The following RAPGEF1 variants were observed in gnomAD, a reference collection of about 807,000 sequenced individuals.
RAPGEF1 encodes Rap guanine nucleotide exchange factor 1.
In RAPGEF1, 33 loss-of-function variants were observed where a neutral mutation model predicts 143.3. The ratio of observed to expected loss-of-function variants is 0.23; its 90% CI spans 0.17 to 0.31. The LOEUF is 0.31. RAPGEF1 is among the 10% of genes least tolerant of loss of function. The probability of loss-of-function intolerance (pLI) is 1.00; values close to 1 mark genes in which losing one functional copy is unlikely to be tolerated. For synonymous variants in RAPGEF1, 629 were observed against 676.5 expected, an observed-to-expected ratio of 0.93 and a Z score of 1.09; for missense variants, 1,199 against 1,645.4, an observed-to-expected ratio of 0.73 and a Z score of 4.69.
chr9:131,685,139 T>C (rs1833233646), intron 1 of RAPGEF1, among the ~76,000 whole-genome samples: 1 of 152,194 alleles, frequency 6.6e-6, no homozygotes, highest in African/African-American at 2.4e-5. Flanking sequence ...TTAAAATGGA[T>C]AAAAACACTT....
At chr9:131,594,841 C>T (rs994366552) in intron 17 of RAPGEF1, among the ~76,000 whole-genome samples, 3 of 152,180 alleles carry the variant, frequency 2.0e-5, no homozygotes, top group African/African-American at 4.8e-5. Context: ...TGGCTGTACC[C>T]GACAGGACAG....
intron 12 of RAPGEF1, among the ~76,000 whole-genome samples, chr9:131,614,253 G>C (rs139737566): frequency 1.0e-3 from 154 of 152,284 alleles, no homozygotes; most frequent in African/African-American, 3.4e-3. Flanking sequence ...CTCTGACCAG[G>C]ACAAAAAGCC....
chr9:131,605,294 C>T, intron 12 of RAPGEF1, 106 bp from the exon 13 acceptor site: 4 of 1,050,530 alleles, frequency 3.8e-6, no homozygotes, highest in Non-Finnish European at 5.0e-6. Flanking sequence ...TTCACAATAA[C>T]TTAGTCTAAC....
chr9:131,585,476 C>T (rs1244551850), intron 22 of RAPGEF1, among the ~76,000 whole-genome samples: 1 of 152,238 alleles, frequency 6.6e-6, no homozygotes, highest in African/African-American at 2.4e-5. Flanking sequence ...CCACTGCACT[C>T]GCACCTCTGT....
intron 1 of RAPGEF1, among the ~76,000 whole-genome samples, chr9:131,720,956 T>C (rs1836219876): frequency 1.3e-5 from 2 of 152,212 alleles, no homozygotes; most frequent in Admixed American, 6.5e-5. Context: ...CTTAAGATAA[T>C]GTGATCTGGT....
intron 1 of RAPGEF1, chr9:131,725,464 C>T (rs1836588824): frequency 6.6e-6 from 1 of 152,264 alleles, no homozygotes; most frequent in Admixed American, 6.5e-5. Context: ...CCACCATGCT[C>T]AGCTAATTTT....
chr9:131,677,117 T>C (rs1260965449), intron 1 of RAPGEF1, among the ~76,000 whole-genome samples: 1 of 152,272 alleles, frequency 6.6e-6, no homozygotes, highest in African/African-American at 2.4e-5. Context: ...GTTTCTACTA[T>C]GTGCTAGGAA....
chr9:131,689,041 G>A (rs979254603), intron 1 of RAPGEF1, among the ~76,000 whole-genome samples: 5 of 152,088 alleles, frequency 3.3e-5, no homozygotes, highest in East Asian at 3.8e-4. Flanking sequence ...TTTTAAACTC[G>A]TTTCATCCAA....
chr9:131,606,411 G>A (rs535929776), intron 12 of RAPGEF1, among the ~76,000 whole-genome samples: 9 of 152,298 alleles, frequency 5.9e-5, no homozygotes, highest in African/African-American at 2.2e-4. Context: ...GCAGATATGG[G>A]TGAATGAATG....
chr9:131,719,886 C>CTTTTT (rs34813794), intron 1 of RAPGEF1, among the ~76,000 whole-genome samples: 3 of 135,726 alleles, frequency 2.2e-5, no homozygotes, highest in Admixed American at 7.4e-5. Context: ...TTCTTTCTTT[C>CTTTTT]TTTTTTTTTT....
chr9:131,666,927 T>C (rs1245712294), intron 1 of RAPGEF1, among the ~76,000 whole-genome samples: 2 of 152,176 alleles, frequency 1.3e-5, no homozygotes, highest in Admixed American at 6.5e-5. Flanking sequence ...CTTGGCCTGG[T>C]TGGATCTGCC....
Position 131,675,141 on chromosome 9 carries a change from C to A in RAPGEF1, c.62-24192G>T, listed in dbSNP as rs1832097073. On this transcript the variant is annotated intron_variant, in intron 1 of 26. Coordinates refer to ENST00000683357, the MANE Select transcript of RAPGEF1 (RefSeq NM_001377935.1). The surrounding 1 kb of genome is among the most constrained non-coding windows in gnomAD (Gnocchi z 4.6). ...AAGAGGAAACTGGCTTAAAAAGAAG[C>A]TGGTGAGATTTGCTGCACTTGGCTA... Among the ~76,000 whole-genome samples the A allele has an allele frequency of 6.6e-6, 1 of 151,990 alleles. No homozygotes were observed. Among genetic ancestry groups the A allele is most frequent in the Non-Finnish European group, 1.5e-5 (1 of 68,000 alleles).
chr9:131,708,340 T>C (rs1835237558), intron 1 of RAPGEF1, among the ~76,000 whole-genome samples: 1 of 152,226 alleles, frequency 6.6e-6, no homozygotes, highest in African/African-American at 2.4e-5. Flanking sequence ...CTGGCATGCC[T>C]GCCAGCCGGC....
chr9:131,634,713 C>CAAAAAAAAAAAAAAAAAAAAAAAAAA (rs35405559), intron 5 of RAPGEF1, among the ~76,000 whole-genome samples: 1 of 61,222 alleles, frequency 1.6e-5, no homozygotes, highest in Non-Finnish European at 2.7e-5. Flanking sequence ...GACTCCGTCT[C>CAAAAAAAAAAAAAAAAAAAAAAAAAA]AAAAAAAAAA....
At chr9:131,597,884 C>G (rs11243445) in intron 16 of RAPGEF1, among the ~76,000 whole-genome samples, 10,772 of 152,228 alleles carry the variant, frequency 0.071, 766 homozygotes, top group African/African-American at 0.18. Flanking sequence ...CGGCCACATG[C>G]AGGCTCTGTC....
At chr9:131,674,624 C>T (rs149814730) in intron 1 of RAPGEF1, among the ~76,000 whole-genome samples, 2 of 152,312 alleles carry the variant, frequency 1.3e-5, no homozygotes, top group Non-Finnish European at 2.9e-5. Context: ...GGGCGGTGGG[C>T]GCGTGGAGGT....
intron 4 of RAPGEF1, 65 bp from the exon 5 acceptor site, chr9:131,638,856 C>T (rs2099428678): frequency 1.3e-6 from 2 of 1,497,888 alleles, no homozygotes; most frequent in Admixed American, 2.0e-5. Context: ...AGCACAGAGC[C>T]AGCTTCTCGG....
chr9:131,599,120 GCCACTTATT>G (rs1955816605), intron 15 of RAPGEF1, among the ~76,000 whole-genome samples: 5 of 140,688 alleles, frequency 3.6e-5, no homozygotes, highest in Admixed American at 7.6e-5. Flanking sequence ...ACCGTGCCCA[GCCACTTATT>G]TGTTTTTTTT....
chr9:131,678,520 G>T (rs1036866815), intron 1 of RAPGEF1, among the ~76,000 whole-genome samples: 1 of 152,232 alleles, frequency 6.6e-6, no homozygotes, highest in Non-Finnish European at 1.5e-5. Context: ...ATAAGCCAGT[G>T]TGCTGTTTTC....
Sources: gnomAD v4.1 joint callset for allele counts (sites outside exome capture counted in the v4.1 genomes callset) on GRCh38, gnomAD v4.1.1 for gene constraint, Gnocchi (gnomAD v3.1) non-coding constraint, MANE v1.5 for transcripts, NCBI Gene and HGNC (gene_info 2026-07-23, HGNC 2026-07-21) for gene names.